The following MAPT variants were observed in gnomAD, a reference collection of about 807,000 sequenced individuals.
The protein encoded by MAPT is microtubule-associated protein tau.
MAPT carries 34 observed loss-of-function variants against 67.9 expected under a neutral mutation model. The observed-to-expected ratio is 0.50, with a 90% CI of 0.38 to 0.67. The LOEUF (loss-of-function observed/expected upper bound fraction) is 0.67, where lower values mean the gene tolerates loss of function less well. Among genes scored for constraint, MAPT ranks in the 30% least tolerant of loss-of-function variants. The pLI, the probability that MAPT is intolerant of heterozygous loss-of-function variation, is 0.00. For synonymous variants in MAPT, 456 were observed against 464.5 expected, an observed-to-expected ratio of 0.98 and a Z score of 0.23; for missense variants, 881 against 1,115.2, an observed-to-expected ratio of 0.79 and a Z score of 2.99.
intron 3 of MAPT, chr17:45,974,760 T>C (rs2072140853): frequency 4.5e-6 from 2 of 445,074 alleles, no homozygotes; most frequent in African/African-American, 2.0e-5. Flanking sequence ...CTCTGCAGGG[T>C]TTTCTGGGGC....
intron 1 of MAPT, among the ~76,000 whole-genome samples, chr17:45,925,603 A>C (rs76090253): frequency 0.14 from 21,821 of 152,280 alleles, 2,133 homozygotes; most frequent in Middle Eastern, 0.22. Context: ...CAGAAGCTGG[A>C]TAAATATCCA....
chr17:45,899,866 C>T (rs1166118797), intron 1 of MAPT, among the ~76,000 whole-genome samples: 1 of 152,152 alleles, frequency 6.6e-6, no homozygotes, highest in African/African-American at 2.4e-5. Context: ...TAAACCTCTT[C>T]CCCCAATCCA....
At chr17:45,990,997 GCT>G (rs1315741876) in intron 7 of MAPT, among the ~76,000 whole-genome samples, 1 of 152,162 alleles carries the variant, frequency 6.6e-6, no homozygotes, top group Non-Finnish European at 1.5e-5. Flanking sequence ...ACACGACCTA[GCT>G]CTCTTTAGCA....
chr17:45,958,007 G>T (rs2145229054), intron 1 of MAPT, among the ~76,000 whole-genome samples: 1 of 152,274 alleles, frequency 6.6e-6, no homozygotes, highest in Non-Finnish European at 1.5e-5. Flanking sequence ...TGACAGATAA[G>T]CAGGACAGAG....
At position 45,991,719 on chromosome 17, in the gene MAPT, C is replaced by T; in HGVS notation, c.1732+133C>T. On this transcript the variant is annotated intron_variant, in intron 8 of 12. Coordinates refer to ENST00000262410, the MANE Select transcript of MAPT (RefSeq NM_001377265.1). ...GGTCAGCAGCTTGCAGTTTACTAAG[C>T]ACTGGAGTCTTCATTGCCTTCTCAG... 4 of 1,173,782 alleles carry T rather than the reference C, an allele frequency of 3.4e-6. No homozygotes were observed. In the East Asian group the frequency reaches 9.8e-5, roughly 29 times the overall value. 72.7% of individuals were successfully genotyped at this position (1,173,782 alleles called of 1,614,324 possible).
Position 45,962,616 on chromosome 17 carries a change from G to A in MAPT, c.133+146G>A, listed in dbSNP as rs1406698463. On this transcript the variant is annotated intron_variant, in intron 2 of 12. Transcript: ENST00000262410. ...AGTAAAGCCTCATTAATTTGAGTGG[G>A]CCAAGATAACTCAAGCAGTGAGATA... 51 of 1,156,192 alleles carry A rather than the reference G, an allele frequency of 4.4e-5. No homozygotes were observed. The South Asian group carries it at 6.6e-4, about 15-fold the overall frequency. The allele number at this position is 1,156,192 out of a possible 1,614,324, so 71.6% of individuals were successfully genotyped here.
intron 9 of MAPT, among the ~76,000 whole-genome samples, chr17:45,998,673 T>C (rs189552589): frequency 6.6e-6 from 1 of 152,276 alleles, no homozygotes; most frequent in East Asian, 1.9e-4. Context: ...GTTAGAGACC[T>C]TGGGGAAATA....
chr17:45,911,750 C>T lies in MAPT; in HGVS notation c.-18+17064C>T, dbSNP rs572337558. On this transcript the variant is annotated intron_variant, in intron 1 of 12. Coordinates refer to ENST00000262410, the MANE Select transcript of MAPT (RefSeq NM_001377265.1). ...CTGCACTGCAGCCTGGGCGTCAGAA[C>T]GAGACCTGCTCTCAAAAAAACAAAC... Among the ~76,000 whole-genome samples, 13 of 151,524 alleles carry T rather than the reference C, an allele frequency of 8.6e-5. No homozygotes were observed. In the South Asian group the frequency reaches 1.3e-3, roughly 15 times the overall value.
intron 1 of MAPT, among the ~76,000 whole-genome samples, chr17:45,927,729 G>A (rs759137519): frequency 6.6e-5 from 10 of 152,128 alleles, no homozygotes; most frequent in African/African-American, 1.2e-4. Flanking sequence ...GGCCAGGCGC[G>A]GTGACTCACG....
chr17:46,000,047 G>T (rs2074864538), intron 9 of MAPT, among the ~76,000 whole-genome samples: 1 of 152,204 alleles, frequency 6.6e-6, no homozygotes, highest in Non-Finnish European at 1.5e-5. Context: ...TTGGGTCCCT[G>T]TGGCCTCATG....
At chr17:45,963,458 G>A (rs926037155) in intron 2 of MAPT, among the ~76,000 whole-genome samples, 3 of 152,104 alleles carry the variant, frequency 2.0e-5, no homozygotes, top group Non-Finnish European at 1.5e-5. Context: ...CTGTCTCCGC[G>A]CTGGGTTGTG....
At chr17:45,911,452 A>C (rs114235417) in intron 1 of MAPT, among the ~76,000 whole-genome samples, 1,729 of 152,262 alleles carry the variant, frequency 0.011, 39 homozygotes, top group African/African-American at 0.04. Context: ...CGATATAGCG[A>C]GAACCTGTCT....
intron 9 of MAPT, among the ~76,000 whole-genome samples, chr17:46,002,593 T>C (rs1039497824): frequency 1.3e-4 from 19 of 151,686 alleles, no homozygotes; most frequent in African/African-American, 2.7e-4. Context: ...ATAGTTGGGA[T>C]GTGAAGACGT....
At chr17:46,009,602 C>T (rs1305592978) in intron 9 of MAPT, among the ~76,000 whole-genome samples, 1 of 152,170 alleles carries the variant, frequency 6.6e-6, no homozygotes, top group African/African-American at 2.4e-5. Context: ...AAGGCACAGC[C>T]CCCCCTTGCA....
At chr17:45,927,104 A>T (rs1475847305) in intron 1 of MAPT, among the ~76,000 whole-genome samples, 1 of 151,938 alleles carries the variant, frequency 6.6e-6, no homozygotes, top group Non-Finnish European at 1.5e-5. Context: ...GGTGAAGGGA[A>T]TATGGTATTT....
At chr17:45,926,953 ATGTGT>A (rs2066380795) in intron 1 of MAPT, among the ~76,000 whole-genome samples, 6 of 108,166 alleles carry the variant, frequency 5.5e-5, no homozygotes, top group Non-Finnish European at 1.0e-4. Context: ...ATATACATAT[ATGTGT>A]ATATATATAC....
chr17:45,916,999 G>C (rs2065255444), intron 1 of MAPT, among the ~76,000 whole-genome samples: 1 of 152,246 alleles, frequency 6.6e-6, no homozygotes, highest in South Asian at 2.1e-4. Flanking sequence ...GGTCTGGCCA[G>C]GAAGCATCGA....
At chr17:45,985,166 G>A (rs895665233) in intron 5 of MAPT, among the ~76,000 whole-genome samples, 9 of 152,056 alleles carry the variant, frequency 5.9e-5, no homozygotes, top group East Asian at 5.8e-4. Flanking sequence ...TTAGCTGGGC[G>A]TGGTGGCGGG....
chr17:45,949,178 A>G (rs1351781635), intron 1 of MAPT, among the ~76,000 whole-genome samples: 2 of 152,230 alleles, frequency 1.3e-5, no homozygotes, highest in African/African-American at 4.8e-5. Flanking sequence ...CCAGGGGGCG[A>G]TTCTGCTGAG....
Sources: gnomAD v4.1 joint callset for allele counts (sites outside exome capture counted in the v4.1 genomes callset) on GRCh38, gnomAD v4.1.1 for gene constraint, MANE v1.5 for transcripts, NCBI Gene and HGNC (gene_info 2026-07-23, HGNC 2026-07-21) for gene names.